RB1: variants seen among roughly 807,000 people sequenced by gnomAD.
The protein encoded by RB1 is RB transcriptional corepressor 1.
RB1 carries 18 observed loss-of-function variants against 135.4 expected under a neutral mutation model. The ratio of observed to expected loss-of-function variants is 0.13; its 90% CI spans 0.09 to 0.20. The LOEUF is 0.20. RB1 is among the 10% of genes least tolerant of loss of function. RB1 has a pLI of 1.00. For missense variants in RB1, 868 were observed against 1,110.0 expected, an observed-to-expected ratio of 0.78 and a Z score of 3.10; for synonymous variants, 365 against 373.2, an observed-to-expected ratio of 0.98 and a Z score of 0.25.
intron 17 of RB1, among the ~76,000 whole-genome samples, chr13:48,395,011 T>C (rs1267568246): frequency 1.3e-5 from 2 of 152,162 alleles, no homozygotes; most frequent in East Asian, 1.9e-4. Context: ...AGCTGCCATC[T>C]GGTGGGTACC....
intron 24 of RB1, 29 bp from the exon 25 acceptor site, chr13:48,476,672 T>C (rs2138358713): frequency 1.2e-6 from 2 of 1,605,292 alleles, no homozygotes; most frequent in Non-Finnish European, 1.7e-6. Flanking sequence ...CATTTAATGA[T>C]TTAAAGTAAA....
intron 11 of RB1, among the ~76,000 whole-genome samples, chr13:48,373,034 T>G (rs1450620522): frequency 6.6e-6 from 1 of 152,244 alleles, no homozygotes; most frequent in African/African-American, 2.4e-5. Context: ...CTAAGTATCT[T>G]ATTGTCTTTA....
chr13:48,329,089 A>G (rs2138066339), intron 2 of RB1, among the ~76,000 whole-genome samples: 1 of 152,302 alleles, frequency 6.6e-6, no homozygotes, highest in South Asian at 2.1e-4. Context: ...AACTATAAAC[A>G]TTTAATCAAG....
rs915555065 is a variant in RB1, at chr13:48,362,888, A to G, written c.792A>G (p.Ala264=). ...RRGQNRSARI[A]KQLENDTRII... is the part of the protein sequence containing the mutation. ...GTCAGAACAGGAGTGCACGGATAGC[A>G]AAACAACTAGAAAATGATACAAGAA... The change falls in exon 8 of 27, where the codon GCA becomes GCG. Residue 264 remains alanine (A), a synonymous_variant. Transcript: ENST00000267163. 6.2e-7 allele frequency: 1 copy of G among 1,613,934 alleles called. No homozygotes were observed. The highest frequency in any genetic ancestry group is 1.1e-5 in the South Asian group (1 of 91,082).
chr13:48,304,866 C>T (rs1425259401), intron 1 of RB1, among the ~76,000 whole-genome samples: 1 of 145,008 alleles, frequency 6.9e-6, no homozygotes, highest in African/African-American at 2.7e-5. Flanking sequence ...CAGCAAGGAT[C>T]TTGGTGTCCC....
At chr13:48,462,283 C>T (rs180714370) in intron 20 of RB1, among the ~76,000 whole-genome samples, 4 of 151,920 alleles carry the variant, frequency 2.6e-5, no homozygotes, top group Non-Finnish European at 5.9e-5. Flanking sequence ...ACCACCACGC[C>T]GAGCTAATTT....
intron 17 of RB1, chr13:48,391,349 G>A (rs1429034273): frequency 6.6e-6 from 1 of 152,148 alleles, no homozygotes; most frequent in Non-Finnish European, 1.5e-5. Flanking sequence ...ATCTCTTAAA[G>A]AGAATTCAAA....
chr13:48,463,339 C>G (rs550337512), intron 20 of RB1, among the ~76,000 whole-genome samples: 2 of 152,310 alleles, frequency 1.3e-5, no homozygotes, highest in Admixed American at 1.3e-4. Context: ...AGCCTCCTTA[C>G]CACCACCACC....
rs552004092 is a variant in RB1 at position 48,313,309 on chromosome 13, C to T, written c.264+5903C>T. Among the ~76,000 whole-genome samples, 7 of 151,712 alleles carry T rather than the reference C, an allele frequency of 4.6e-5. No homozygotes were observed. The East Asian group carries it at 1.4e-3, about 29-fold the overall frequency. ...CCCCCCATTCTGTGAGTTGCCTTTT[C>T]ACTTTCTTGATGATGTCATTTGCAG... On this transcript the variant is annotated intron_variant, in intron 2 of 26. Coordinates refer to ENST00000267163, the MANE Select transcript of RB1 (RefSeq NM_000321.3).
intron 4 of RB1, among the ~76,000 whole-genome samples, chr13:48,346,312 A>G (rs1250365810): frequency 6.6e-6 from 1 of 151,032 alleles, no homozygotes; most frequent in Non-Finnish European, 1.5e-5. Context: ...CACTTTTCAT[A>G]TTTTAGAATG....
intron 17 of RB1, among the ~76,000 whole-genome samples, chr13:48,387,395 A>T (rs183462796): frequency 8.6e-4 from 131 of 152,312 alleles, no homozygotes; most frequent in African/African-American, 3.1e-3. Flanking sequence ...CTAATGGAAG[A>T]ATATATAACC....
rs1470919585 is a variant in RB1, at chr13:48,465,261, T to C, written c.2382T>C (p.Ser794=). The change falls in exon 23 of 27, where the codon AGT becomes AGC. Residue 794 remains serine (S), a synonymous_variant. Coordinates refer to ENST00000267163, the MANE Select transcript of RB1 (RefSeq NM_000321.3). ...HIPRSPYKFP[S]SPLRIPGGNI... The stretch of plus-strand genomic sequence containing the variant: ...CTCGAAGCCCTTACAAGTTTCCTAG[T>C]TCACCCTTACGGATTCCTGGAGGGA... The C allele has an allele frequency of 6.2e-7, 1 of 1,613,700 alleles. No homozygotes were observed. Among genetic ancestry groups the C allele is most frequent in the Admixed American group, 1.7e-5 (1 of 60,018 alleles).
chr13:48,398,789 A>G (rs1487064405), intron 17 of RB1, among the ~76,000 whole-genome samples: 2 of 152,106 alleles, frequency 1.3e-5, no homozygotes, highest in African/African-American at 4.8e-5. Flanking sequence ...TAAAGGGAGC[A>G]ATACAAATAG....
intron 19 of RB1, among the ~76,000 whole-genome samples, chr13:48,456,635 G>A (rs759540792): frequency 1.3e-5 from 2 of 152,020 alleles, no homozygotes; most frequent in African/African-American, 2.4e-5. Flanking sequence ...GGCTGCACTC[G>A]GCTCACACTA....
chr13:48,368,623 T>A lies in RB1; in HGVS notation c.1127+19T>A. On this transcript the variant is annotated intron_variant, in intron 11 of 26. Coordinates refer to ENST00000267163, the MANE Select transcript of RB1 (RefSeq NM_000321.3). ...CAGTTAGGTATGAATTTTCCTACTT[T>A]TAATTATATTATAATTTTGTTATTC... The A allele has an allele frequency of 6.2e-7, 1 of 1,607,382 alleles. No individual in the cohort carries two copies. The highest frequency in any genetic ancestry group is 8.5e-7 in the Non-Finnish European group (1 of 1,176,826).
At position 48,319,259 on chromosome 13, in the gene RB1, T is replaced by C. The variant is rs1298402592; in HGVS notation, c.264+11853T>C. ...GGGTCTCGCGCAAGGCACTTTTTTGTGGCGCTGCTTGTGCTGTGTGCGGGG... is the reference window on the plus strand; with the variant it reads ...GGGTCTCGCGCAAGGCACTTTTTTGCGGCGCTGCTTGTGCTGTGTGCGGGG... On this transcript the variant is annotated intron_variant, in intron 2 of 26. Coordinates refer to ENST00000267163, the MANE Select transcript of RB1 (RefSeq NM_000321.3). The surrounding 1 kb of genome is among the most constrained non-coding windows in gnomAD (Gnocchi z 5.0). 3 of 807,890 alleles carry C rather than the reference T, an allele frequency of 3.7e-6. No homozygotes were observed. In the African/African-American group the frequency reaches 5.3e-5, roughly 14 times the overall value. The allele number at this position is 807,890 out of a possible 1,614,324, so 50.0% of individuals were successfully genotyped here. A position where few individuals can be genotyped will look rare whatever the true frequency, so the allele number is the denominator to read the frequency against.
chr13:48,463,438 C>G (rs569068224), intron 20 of RB1, among the ~76,000 whole-genome samples: 3 of 152,284 alleles, frequency 2.0e-5, no homozygotes, highest in Non-Finnish European at 4.4e-5. Context: ...TTAACTGATT[C>G]TACTTTCAAC....
At chr13:48,327,972 A>G in intron 2 of RB1, 1 of 546,476 alleles carries the variant, frequency 1.8e-6, no homozygotes, top group Non-Finnish European at 3.2e-6. Flanking sequence ...AAAAAGATGA[A>G]AAAGAAAAAA....
intron 6 of RB1, among the ~76,000 whole-genome samples, chr13:48,353,665 T>C (rs1403879091): frequency 6.6e-6 from 1 of 152,106 alleles, no homozygotes; most frequent in East Asian, 1.9e-4. Context: ...GGCCAGTATT[T>C]CTGAGGAATA....
Sources: gnomAD v4.1 joint callset for allele counts (sites outside exome capture counted in the v4.1 genomes callset) on GRCh38, gnomAD v4.1.1 for gene constraint, Gnocchi (gnomAD v3.1) non-coding constraint, MANE v1.5 for transcripts, NCBI Gene and HGNC (gene_info 2026-07-23, HGNC 2026-07-21) for gene names.